CLIP1: variants seen among roughly 807,000 people sequenced by gnomAD.
CLIP1 encodes CAP-Gly domain-containing linker protein 1.
In CLIP1, 66 loss-of-function variants were observed where a neutral mutation model predicts 161.6. The observed-to-expected ratio is 0.41, with a 90% CI of 0.33 to 0.50. The LOEUF is 0.50. CLIP1 is among the 20% of genes least tolerant of loss of function. The pLI is 0.27. For missense variants in CLIP1, 1,376 were observed against 1,702.0 expected (o/e 0.81, Z 3.37); for synonymous variants, 598 against 626.2 (o/e 0.96, Z 0.67).
At chr12:122,413,604 A>G (rs1355903735) in intron 1 of CLIP1, among the ~76,000 whole-genome samples, 1 of 152,192 alleles carries the variant, frequency 6.6e-6, no homozygotes, top group Admixed American at 6.6e-5. Flanking sequence ...TATAGAAAAC[A>G]TTAGGGCAGC....
chr12:122,301,916 G>A (rs1950695366), intron 20 of CLIP1, among the ~76,000 whole-genome samples: 1 of 152,148 alleles, frequency 6.6e-6, no homozygotes, highest in Admixed American at 6.5e-5. Context: ...ACATGTGCCT[G>A]CTGTCTCACC....
At chr12:122,343,834 C>T (rs1159273143) in intron 10 of CLIP1, 1 of 152,146 alleles carries the variant, frequency 6.6e-6, no homozygotes, top group South Asian at 2.1e-4. Context: ...AAAATAGCTT[C>T]CATCACAAAA....
chr12:122,289,752 C>T (rs556468740), intron 20 of CLIP1, among the ~76,000 whole-genome samples: 1 of 151,334 alleles, frequency 6.6e-6, no homozygotes, highest in South Asian at 2.1e-4. Context: ...CTACCTCCAA[C>T]CTGCACTACC....
intron 18 of CLIP1, among the ~76,000 whole-genome samples, chr12:122,318,977 C>T (rs1325082490): frequency 6.6e-6 from 1 of 152,156 alleles, no homozygotes; most frequent in Non-Finnish European, 1.5e-5. Flanking sequence ...GCCATCAGTA[C>T]CTCCTCTCAC....
chr12:122,348,985 G>C (rs1344832403), intron 9 of CLIP1, among the ~76,000 whole-genome samples: 1 of 151,794 alleles, frequency 6.6e-6, no homozygotes, highest in Non-Finnish European at 1.5e-5. Context: ...TATTTAAAAG[G>C]TGAACAAAAA....
At chr12:122,291,702 T>G (rs897656769) in intron 20 of CLIP1, among the ~76,000 whole-genome samples, 1 of 152,194 alleles carries the variant, frequency 6.6e-6, no homozygotes, top group Non-Finnish European at 1.5e-5. Context: ...TTGGTGAGGT[T>G]AACTTCGGTC....
chr12:122,273,978 C>A lies in CLIP1; in HGVS notation c.4091+60G>T, dbSNP rs935367004. ...AACTCCTGACCCTCAAGTGGTCCGC[C>A]CGCCTCGGCCTCCCAAAGTGCTGGG... On this transcript the variant is annotated intron_variant, in intron 25 of 25. Transcript: ENST00000620786. 2.0e-6 allele frequency: 3 copies of A among 1,532,470 alleles called. No individual in the cohort carries two copies. In the African/African-American group the frequency reaches 4.1e-5, roughly 21 times the overall value. 94.9% of individuals were successfully genotyped at this position (1,532,470 alleles called of 1,614,324 possible).
rs562632973 is a variant in CLIP1, at chr12:122,345,584, ATCAG to A, written c.1506+1787_1506+1790del. On this transcript the variant is annotated intron_variant, in intron 10 of 25. Coordinates refer to ENST00000620786, the MANE Select transcript of CLIP1 (RefSeq NM_001247997.2). ...AAAGAAAAATTGTCTAGATTTTTAG[ATCAG>A]TCAATTAATTCTCAACAAGAGAAAT... Among the ~76,000 whole-genome samples, 678 of 152,328 alleles carry A rather than the reference ATCAG, an allele frequency of 4.5e-3. 4 individuals are homozygous for A. The highest frequency in any genetic ancestry group is 8.1e-3 in the Non-Finnish European group (554 of 68,032).
chr12:122,409,504 T>C (rs947252436), intron 1 of CLIP1, among the ~76,000 whole-genome samples: 1 of 152,144 alleles, frequency 6.6e-6, no homozygotes, highest in Admixed American at 6.6e-5. Context: ...TTAGATGCTG[T>C]AAGTGGAAAC....
At chr12:122,366,344 A>G (rs1954170170) in intron 3 of CLIP1, among the ~76,000 whole-genome samples, 1 of 149,060 alleles carries the variant, frequency 6.7e-6, no homozygotes, top group South Asian at 2.1e-4. Context: ...TAATTGGCCC[A>G]GTGTGGAAGT....
intron 11 of CLIP1, among the ~76,000 whole-genome samples, chr12:122,337,362 G>T (rs1212185849): frequency 2.6e-5 from 4 of 151,134 alleles, no homozygotes; most frequent in East Asian, 2.0e-4. Context: ...CAGAAGAATC[G>T]CTTGAGCCTG....
intron 3 of CLIP1, among the ~76,000 whole-genome samples, chr12:122,365,791 C>G (rs966763650): frequency 1.3e-5 from 2 of 151,310 alleles, no homozygotes; most frequent in Non-Finnish European, 2.9e-5. Context: ...GAGAACTGCT[C>G]GAGCCCAGGA....
chr12:122,336,483 CAAT>C, intron 12 of CLIP1, 146 bp downstream of exon 12: 1 of 546,890 alleles, frequency 1.8e-6, no homozygotes, highest in Admixed American at 3.0e-5. Flanking sequence ...CCTCAAAGGA[CAAT>C]ATTTATCAGC....
Position 122,341,479 on chromosome 12 carries a change from C to G in CLIP1, c.1725G>C (p.Glu575Asp). 6.2e-7 allele frequency: 1 copy of G among 1,613,466 alleles called. No individual in the cohort carries two copies. The highest frequency in any genetic ancestry group is 8.5e-7 in the Non-Finnish European group (1 of 1,179,560). ...GAGTTTCTTCCCGGGCTCCAAAATG[C>G]TCCTTCAGAGAAGTTATTTCTCTCT... Reference protein sequence around the residue: ...DHQREITSLKEHFGAREETHQ... With the variant: ...DHQREITSLKDHFGAREETHQ... The change falls in exon 11 of 26, where the codon GAG becomes GAC. Residue 575 changes from glutamate (E) to aspartate (D), a missense_variant. By Grantham distance (45) the Glu-to-Asp change is conservative. Transcript: ENST00000620786.
Position 122,390,194 on chromosome 12 carries a change from TATAATATATATATACACAC to T in CLIP1, c.-106-9655_-106-9637del, listed in dbSNP as rs1312572315. Among the ~76,000 whole-genome samples, 241 of 132,748 alleles carry T rather than the reference TATAATATATATATACACAC, an allele frequency of 1.8e-3. 1 individual carries two copies. The highest frequency in any genetic ancestry group is 6.7e-3 in the African/African-American group (236 of 35,464). 87.1% of individuals were successfully genotyped at this position (132,748 alleles called of 152,430 possible). ...TCAGATATATATATATATATATATATATAATATATATATACACACATATATATACACACATATATACACA... is the reference window on the plus strand; with the variant it reads ...TCAGATATATATATATATATATATATATATATATACACACATATATACACA... On this transcript the variant is annotated intron_variant, in intron 1 of 25. Transcript: ENST00000620786.
intron 21 of CLIP1, among the ~76,000 whole-genome samples, chr12:122,286,520 T>TA (rs57260606): frequency 0.17 from 4,822 of 28,160 alleles, 1,036 homozygotes; most frequent in Non-Finnish European, 0.26. Flanking sequence ...GACTCTGTCT[T>TA]AAAAAAAAAA....
intron 2 of CLIP1, among the ~76,000 whole-genome samples, chr12:122,379,318 A>C (rs1043299937): frequency 6.6e-6 from 1 of 151,226 alleles, no homozygotes; most frequent in African/African-American, 2.4e-5. Context: ...AAAAAAAAAA[A>C]AAAACAAAAA....
intron 20 of CLIP1, among the ~76,000 whole-genome samples, chr12:122,303,979 G>A (rs1481770736): frequency 2.0e-5 from 3 of 152,170 alleles, no homozygotes; most frequent in Non-Finnish European, 4.4e-5. Context: ...CCGTGCAGAC[G>A]TTCCTGAGGG....
chr12:122,290,384 G>C (rs1956051511), intron 20 of CLIP1, among the ~76,000 whole-genome samples: 1 of 152,170 alleles, frequency 6.6e-6, no homozygotes. Context: ...AGAAAAAAGA[G>C]TGGGAGGCAA....
Sources: gnomAD v4.1 joint callset for allele counts (sites outside exome capture counted in the v4.1 genomes callset) on GRCh38, gnomAD v4.1.1 for gene constraint, MANE v1.5 for transcripts, NCBI Gene and HGNC (gene_info 2026-07-23, HGNC 2026-07-21) for gene names.